IFT25: variants seen among roughly 807,000 people sequenced by gnomAD.
IFT25 encodes intraflagellar transport 25.
At chr1:53,922,177 C>G in the IFT25 span, among the ~76,000 whole-genome samples, 1 of 152,132 alleles carries the variant, frequency 6.6e-6, no homozygotes, top group Non-Finnish European at 1.5e-5. Flanking sequence ...GACAGATCAC[C>G]TGAGGTTGGG....
the IFT25 span, among the ~76,000 whole-genome samples, chr1:53,931,756 G>A: frequency 6.6e-6 from 1 of 151,990 alleles, no homozygotes; most frequent in Admixed American, 6.6e-5. Context: ...GGCTAATCTT[G>A]TTAGAGGTTT....
At chr1:53,914,781 C>G in the IFT25 span, among the ~76,000 whole-genome samples, 1 of 152,144 alleles carries the variant, frequency 6.6e-6, no homozygotes, top group Admixed American at 6.5e-5. Flanking sequence ...GAAGGTGAAG[C>G]CCACAAAGGA....
the IFT25 span, among the ~76,000 whole-genome samples, chr1:53,916,029 C>T: frequency 6.0e-3 from 909 of 151,800 alleles, 8 homozygotes; most frequent in African/African-American, 0.021. Context: ...TATAAAAATA[C>T]AAAAAATTAG....
chr1:53,918,229 T>C, the IFT25 span, among the ~76,000 whole-genome samples: 1 of 152,226 alleles, frequency 6.6e-6, no homozygotes, highest in Admixed American at 6.5e-5. Context: ...AACAAATTGA[T>C]ACAAATACTT....
At chr1:53,912,587 T>C in the IFT25 span, among the ~76,000 whole-genome samples, 3 of 152,194 alleles carry the variant, frequency 2.0e-5, no homozygotes, top group Non-Finnish European at 4.4e-5. Context: ...TCTTCAAAGA[T>C]GCCCAGTACT....
At chr1:53,915,649 T>G in the IFT25 span, among the ~76,000 whole-genome samples, 1 of 152,146 alleles carries the variant, frequency 6.6e-6, no homozygotes, top group Non-Finnish European at 1.5e-5. Flanking sequence ...CACTCTAATT[T>G]TAATAGGGAG....
At chr1:53,925,622 G>A in the IFT25 span, among the ~76,000 whole-genome samples, 16 of 149,344 alleles carry the variant, frequency 1.1e-4, no homozygotes, top group Admixed American at 9.4e-4. Context: ...CCGAGATCAC[G>A]CCACTGCACT....
At chr1:53,935,861 T>A in the IFT25 span, among the ~76,000 whole-genome samples, 1 of 152,138 alleles carries the variant, frequency 6.6e-6, no homozygotes, top group Admixed American at 6.5e-5. Flanking sequence ...TATTTTAAAT[T>A]TTACTTATTG....
At chr1:53,944,382 C>G in the IFT25 span, among the ~76,000 whole-genome samples, 107 of 152,312 alleles carry the variant, frequency 7.0e-4, 1 homozygote, top group African/African-American at 2.5e-3. Flanking sequence ...TGGTGGCAGG[C>G]GCCTGTAATC....
At chr1:53,938,087 G>T in the IFT25 span, among the ~76,000 whole-genome samples, 1 of 152,148 alleles carries the variant, frequency 6.6e-6, no homozygotes, top group East Asian at 1.9e-4. Flanking sequence ...TTTATTTTGA[G>T]CAAGTCATCT....
chr1:53,944,473 C>T, the IFT25 span, among the ~76,000 whole-genome samples: 3 of 152,154 alleles, frequency 2.0e-5, no homozygotes, highest in Non-Finnish European at 2.9e-5. Flanking sequence ...GGTGAAACCT[C>T]GTCTCTACTA....
chr1:53,924,424 G>T, the IFT25 span, among the ~76,000 whole-genome samples: 1 of 152,094 alleles, frequency 6.6e-6, no homozygotes, highest in African/African-American at 2.4e-5. Flanking sequence ...ATCTTTTCTG[G>T]TATCCAAATT....
chr1:53,919,599 TG>T, the IFT25 span, among the ~76,000 whole-genome samples: 7 of 152,332 alleles, frequency 4.6e-5, no homozygotes, highest in East Asian at 1.3e-3. Flanking sequence ...ATGAAATTGT[TG>T]CATTAAGCCA....
the IFT25 span, chr1:53,928,424 A>C: frequency 1.9e-6 from 3 of 1,612,318 alleles, no homozygotes; most frequent in Non-Finnish European, 2.5e-6. Context: ...TGCTTTTTTC[A>C]ATCTTCAAGG....
the IFT25 span, among the ~76,000 whole-genome samples, chr1:53,937,775 C>G: frequency 6.6e-6 from 1 of 152,202 alleles, no homozygotes; most frequent in Non-Finnish European, 1.5e-5. Context: ...GGAAAGTCCT[C>G]TATTTCTGGC....
the IFT25 span, among the ~76,000 whole-genome samples, chr1:53,932,381 T>C: frequency 6.6e-6 from 1 of 152,178 alleles, no homozygotes; most frequent in Admixed American, 6.5e-5. Context: ...TGATTTCTTT[T>C]TTGACCCATG....
At chr1:53,928,452 A>C in the IFT25 span, 1 of 1,593,222 alleles carries the variant, frequency 6.3e-7, no homozygotes. Context: ...TAACATTGTA[A>C]ACAAAGTAAG....
the IFT25 span, among the ~76,000 whole-genome samples, chr1:53,935,612 A>C: frequency 2.5e-4 from 38 of 150,816 alleles, no homozygotes; most frequent in African/African-American, 5.4e-4. Context: ...ACCCACCCCC[A>C]AAAAAAGGCC....
chr1:53,940,211 A>G, the IFT25 span: 1 of 608,024 alleles, frequency 1.6e-6, no homozygotes, highest in Non-Finnish European at 2.9e-6. Flanking sequence ...CACCCAAGCT[A>G]TTCAACATGT....
Sources: gnomAD v4.1 joint callset for allele counts (sites outside exome capture counted in the v4.1 genomes callset) on GRCh38, gnomAD v4.1.1 for gene constraint, MANE v1.5 for transcripts, NCBI Gene and HGNC (gene_info 2026-07-23, HGNC 2026-07-21) for gene names.